Variants in TTC12 observed in about 807,000 individuals in gnomAD.
TTC12 encodes tetratricopeptide repeat protein 12.
TTC12 carries 70 observed loss-of-function variants against 90.1 expected under a neutral mutation model. The ratio of observed to expected loss-of-function variants is 0.78; its 90% CI spans 0.64 to 0.95. The LOEUF is 0.95. TTC12 is among the 40% of genes least tolerant of loss of function. The pLI, the probability that TTC12 is intolerant of heterozygous loss-of-function variation, is 0.00. For synonymous variants in TTC12, 296 were observed against 311.5 expected (o/e 0.95, Z 0.53); for missense variants, 819 against 846.1 (o/e 0.97, Z 0.40).
At chr11:113,339,973 C>T (rs113519064) in intron 10 of TTC12, among the ~76,000 whole-genome samples, 4,975 of 152,280 alleles carry the variant, frequency 0.033, 268 homozygotes, top group African/African-American at 0.11. Flanking sequence ...CGTACACCTT[C>T]CCTCCACTGT....
At chr11:113,368,687 A>G, downstream of TTC12, 2 of 618,390 alleles carry the variant, frequency 3.2e-6, no homozygotes, top group Admixed American at 2.7e-5. Context: ...AACAATAGGA[A>G]GGGGCTGAGA....
At chr11:113,371,001 C>T (rs2138101562), downstream of TTC12, among the ~76,000 whole-genome samples, 1 of 152,306 alleles carries the variant, frequency 6.6e-6, no homozygotes, top group African/African-American at 2.4e-5. Flanking sequence ...CTCGCTGCTG[C>T]TGGGAGATGA....
At position 113,344,365 on chromosome 11, in the gene TTC12, G is replaced by A; in HGVS notation, c.1079G>A (p.Ser360Asn). 1 of 1,614,204 alleles carries A rather than the reference G, an allele frequency of 6.2e-7. No individual in the cohort carries two copies. The highest frequency in any genetic ancestry group is 1.1e-5 in the South Asian group (1 of 91,090). ...SSKVLAIRQQ[S>N]FALLLHLAQT... is the part of the protein sequence containing the mutation. Reference sequence around the variant, plus strand: ...AAGGTCCTGGCCATCCGGCAGCAGAGCTTTGCCCTGCTGCTGCATCTCGCC... The same window carrying A: ...AAGGTCCTGGCCATCCGGCAGCAGAACTTTGCCCTGCTGCTGCATCTCGCC... The change falls in exon 13 of 22, where the codon AGC (serine) becomes AAC (asparagine). Residue 360 changes from serine to asparagine, a missense_variant. Coordinates refer to ENST00000529221, the MANE Select transcript of TTC12 (RefSeq NM_017868.4).
rs565299017 is a variant in TTC12 at position 113,359,694 on chromosome 11, G to T, written c.1545+233G>T. Among the ~76,000 whole-genome samples, 5 of 152,308 alleles carry T rather than the reference G, an allele frequency of 3.3e-5. No individual in the cohort carries two copies. The East Asian group carries it at 9.7e-4, about 29-fold the overall frequency. ...ACAGACTGGGTATCCAAGGTGTGCT[G>T]AGCAGAGTATGAGGTGCTGCATTTA... On this transcript the variant is annotated intron_variant, in intron 17 of 21. Coordinates refer to ENST00000529221, the MANE Select transcript of TTC12 (RefSeq NM_017868.4).
chr11:113,356,947 T>C (rs973924959), intron 16 of TTC12, among the ~76,000 whole-genome samples: 1 of 152,184 alleles, frequency 6.6e-6, no homozygotes, highest in Non-Finnish European at 1.5e-5. Flanking sequence ...TTCTCTGCAT[T>C]TCCTGAATTT....
In TTC12 at chr11:113,329,386, C is replaced by G. The variant is rs73574620; in HGVS notation, c.445-534C>G. Among the ~76,000 whole-genome samples the G allele has an allele frequency of 3.9e-3, 598 of 152,292 alleles. 3 individuals are homozygous for G. The highest frequency in any genetic ancestry group is 0.013 in the African/African-American group (561 of 41,568). On this transcript the variant is annotated intron_variant, in intron 6 of 21. Coordinates refer to ENST00000529221, the MANE Select transcript of TTC12 (RefSeq NM_017868.4). ...CTAGTGAGCTGGGTATTTTCTCTGT[C>G]CCTCTAGATCCTTCCCTGCTTTGTG...
At chr11:113,355,382 T>G (rs782813770) in intron 16 of TTC12, among the ~76,000 whole-genome samples, 11 of 152,090 alleles carry the variant, frequency 7.2e-5, no homozygotes, top group Non-Finnish European at 1.5e-4. Context: ...ATGGTCTATT[T>G]TATTAATTTT....
At chr11:113,327,852 A>G (rs1555141488) in intron 6 of TTC12, among the ~76,000 whole-genome samples, 1 of 152,214 alleles carries the variant, frequency 6.6e-6, no homozygotes, top group African/African-American at 2.4e-5. Context: ...TAGCTCAAAG[A>G]GTCGTCTTCT....
intron 16 of TTC12, among the ~76,000 whole-genome samples, chr11:113,352,959 G>T (rs782336097): frequency 1.3e-5 from 2 of 152,114 alleles, no homozygotes; most frequent in African/African-American, 2.4e-5. Flanking sequence ...ATTCCTTTGG[G>T]TATATACCCA....
intron 16 of TTC12, among the ~76,000 whole-genome samples, chr11:113,358,759 G>A (rs782718589): frequency 6.6e-6 from 1 of 152,156 alleles, no homozygotes; most frequent in Non-Finnish European, 1.5e-5. Flanking sequence ...ATGAGTGTCT[G>A]TGCTGGTCAA....
chr11:113,372,514 T>G (rs530709002), intron 21 of TTC12, among the ~76,000 whole-genome samples: 1 of 152,324 alleles, frequency 6.6e-6, no homozygotes, highest in South Asian at 2.1e-4. Context: ...ACCACAGAGC[T>G]TTTTAAATTC....
rs113689562 is a variant in TTC12, at chr11:113,330,185, C to G, written c.504+206C>G. 2.3e-3 allele frequency among the ~76,000 whole-genome samples: 348 copies of G among 152,322 alleles called. 1 individual carries two copies. The highest frequency in any genetic ancestry group is 7.5e-3 in the African/African-American group (310 of 41,582). On this transcript the variant is annotated intron_variant, in intron 7 of 21. Coordinates refer to ENST00000529221, the MANE Select transcript of TTC12 (RefSeq NM_017868.4). The stretch of plus-strand genomic sequence containing the variant: ...AGTTCCTAGAAAGCAATCCAGGGAG[C>G]TGCTGCTATTGAAGTTTCAATGTCT...
chr11:113,372,151 T>C (rs556625097), intron 21 of TTC12, among the ~76,000 whole-genome samples: 8 of 152,298 alleles, frequency 5.3e-5, no homozygotes, highest in Non-Finnish European at 1.2e-4. Flanking sequence ...AGAATCTAGA[T>C]GGAACACAGG....
chr11:113,344,292 G>T lies in TTC12; in HGVS notation c.1006G>T (p.Val336Leu), dbSNP rs149810278. The T allele has an allele frequency of 5.6e-6, 9 of 1,613,688 alleles. No homozygotes were observed. The African/African-American group carries it at 1.2e-4, about 22-fold the overall frequency. ...TGCAGAGGAAAACCAGCGTGTGCTAGTGATACACCATGACAGGGCCAGGCT... is the reference window on the plus strand; with the variant it reads ...TGCAGAGGAAAACCAGCGTGTGCTATTGATACACCATGACAGGGCCAGGCT... ...SRNEENQRVL[V>L]IHHDRARLLA... The change falls in exon 13 of 22, where the codon GTG (valine) becomes TTG (leucine). Residue 336 changes from valine to leucine, a missense_variant. Physicochemically the swap from Val to Leu is conservative, Grantham distance 32. Transcript: ENST00000529221.
intron 6 of TTC12, among the ~76,000 whole-genome samples, chr11:113,327,248 T>C (rs1294012461): frequency 1.3e-5 from 2 of 152,214 alleles, no homozygotes; most frequent in East Asian, 3.8e-4. Flanking sequence ...TATAAGGAAA[T>C]GTAATGAAAA....
At chr11:113,336,575 G>C (rs1260218286) in intron 8 of TTC12, among the ~76,000 whole-genome samples, 1 of 152,112 alleles carries the variant, frequency 6.6e-6, no homozygotes. Flanking sequence ...TGAGGTAAGG[G>C]TTCAACTTCA....
In TTC12 at chr11:113,325,625, C is replaced by T. The variant is rs1555140807; in HGVS notation, c.424C>T (p.Leu142=). The T allele has an allele frequency of 6.2e-7, 1 of 1,613,952 alleles. No homozygotes were observed. The highest frequency in any genetic ancestry group is 1.1e-5 in the South Asian group (1 of 91,072). The stretch of plus-strand genomic sequence containing the variant: ...GGAGAAGCTGAAGGACATGAAAGTG[C>T]TGTACACCAACCGAGCCCAGGTCAG... ...GLEKLKDMKV[L]YTNRAQAYMK... The change falls in exon 6 of 22, where the codon CTG becomes TTG. Residue 142 remains leucine, a synonymous_variant. Coordinates refer to ENST00000529221, the MANE Select transcript of TTC12 (RefSeq NM_017868.4).
chr11:113,343,707 T>G (rs1407291437), intron 12 of TTC12, among the ~76,000 whole-genome samples: 17 of 152,166 alleles, frequency 1.1e-4, no homozygotes, highest in African/African-American at 4.1e-4. Context: ...TTCATGTACC[T>G]GGTCAGAAAA....
downstream of TTC12, among the ~76,000 whole-genome samples, chr11:113,370,865 C>A (rs1286243462): frequency 6.6e-6 from 1 of 152,210 alleles, no homozygotes; most frequent in East Asian, 1.9e-4. Flanking sequence ...TCCATTGTCA[C>A]ATCTGTCCCC....
Sources: allele counts gnomAD v4.1 joint callset (sites outside exome capture counted in the v4.1 genomes callset), GRCh38; gene constraint gnomAD v4.1.1; transcripts MANE v1.5; gene names NCBI Gene and HGNC (gene_info 2026-07-23, HGNC 2026-07-21).